CAST: variants seen among roughly 807,000 people sequenced by gnomAD.
The protein encoded by CAST is calpastatin, also known as MIR583 host.
A neutral mutation model predicts 119.6 loss-of-function variants in CAST; 76 were observed. The observed-to-expected ratio is 0.64, with a 90% CI of 0.53 to 0.77. CAST has a LOEUF of 0.77. Among genes scored for constraint, CAST ranks in the 30% least tolerant of loss-of-function variants. CAST has a pLI of 0.00. For synonymous variants in CAST, 319 were observed against 331.6 expected, an observed-to-expected ratio of 0.96 and a Z score of 0.41; for missense variants, 953 against 946.5, an observed-to-expected ratio of 1.01 and a Z score of -0.09.
At chr5:96,703,687 G>A (rs1754346338) in intron 3 of CAST, among the ~76,000 whole-genome samples, 1 of 152,092 alleles carries the variant, frequency 6.6e-6, no homozygotes, top group Non-Finnish European at 1.5e-5. Context: ...GGGACTTTGG[G>A]GCCTCTCTAG....
the CAST span, among the ~76,000 whole-genome samples, chr5:96,452,977 C>G: frequency 1.1e-5 from 1 of 94,470 alleles, no homozygotes; most frequent in Non-Finnish European, 2.2e-5. Flanking sequence ...AAAAAAAAAA[C>G]AGAAGAAAGA....
At chr5:96,312,148 A>G in the CAST span, among the ~76,000 whole-genome samples, 2 of 152,096 alleles carry the variant, frequency 1.3e-5, no homozygotes, top group African/African-American at 4.8e-5. Context: ...AGTTTATTTC[A>G]AGATGATAAC....
chr5:96,458,363 A>C, the CAST span, among the ~76,000 whole-genome samples: 3 of 152,184 alleles, frequency 2.0e-5, no homozygotes, highest in Non-Finnish European at 2.9e-5. Context: ...AATACTTACT[A>C]TCTGGCTCTT....
chr5:96,394,424 T>G, the CAST span, among the ~76,000 whole-genome samples: 1 of 152,194 alleles, frequency 6.6e-6, no homozygotes. Flanking sequence ...GCCTACATGA[T>G]TTGGCCATTT....
At chr5:96,679,939 C>T (rs1042025663) in intron 2 of CAST, among the ~76,000 whole-genome samples, 9 of 151,726 alleles carry the variant, frequency 5.9e-5, no homozygotes, top group South Asian at 2.1e-4. Context: ...TAAATTAACG[C>T]GATAATGTCA....
the CAST span, among the ~76,000 whole-genome samples, chr5:96,185,962 T>C: frequency 6.6e-6 from 1 of 152,192 alleles, no homozygotes; most frequent in African/African-American, 2.4e-5. Context: ...TTTCAACATA[T>C]TGATTCCTCC....
chr5:96,444,843 A>G, the CAST span, among the ~76,000 whole-genome samples: 2 of 152,100 alleles, frequency 1.3e-5, no homozygotes, highest in Non-Finnish European at 1.5e-5. Context: ...TCTCATGGTA[A>G]AGACATTCCT....
the CAST span, among the ~76,000 whole-genome samples, chr5:96,383,516 G>C: frequency 2.6e-5 from 4 of 152,102 alleles, no homozygotes; most frequent in Admixed American, 1.3e-4. Flanking sequence ...GCACAATTTC[G>C]GCTCCCTGCA....
At chr5:96,213,799 A>G in the CAST span, 910 of 151,550 alleles carry the variant, frequency 6.0e-3, 1 homozygote, top group Non-Finnish European at 9.9e-3. Context: ...TCTAAAAGAG[A>G]AAAAAAAATA....
the CAST span, among the ~76,000 whole-genome samples, chr5:96,115,611 A>G: frequency 7.2e-5 from 11 of 152,148 alleles, no homozygotes; most frequent in African/African-American, 2.7e-4. Context: ...GCAGACACTC[A>G]CTCAATAAAG....
the CAST span, among the ~76,000 whole-genome samples, chr5:96,173,739 C>A: frequency 9.0e-6 from 1 of 111,494 alleles, no homozygotes; most frequent in Non-Finnish European, 2.1e-5. Context: ...GATAAATGAA[C>A]TTTTTTTTTT....
the CAST span, among the ~76,000 whole-genome samples, chr5:96,191,946 T>C: frequency 6.6e-6 from 1 of 152,210 alleles, no homozygotes; most frequent in South Asian, 2.1e-4. Context: ...GTGACAAGAA[T>C]GGCTGAATTA....
the CAST span, among the ~76,000 whole-genome samples, chr5:96,144,940 G>A: frequency 3.3e-5 from 5 of 152,206 alleles, no homozygotes; most frequent in South Asian, 2.1e-4. Context: ...AGAGATACGG[G>A]TATGCTCCTC....
chr5:96,597,792 A>C (rs1747078464), intron 1 of CAST, among the ~76,000 whole-genome samples: 1 of 152,106 alleles, frequency 6.6e-6, no homozygotes, highest in Non-Finnish European at 1.5e-5. Context: ...CCTCATTATA[A>C]CCCTGCTAAG....
the CAST span, among the ~76,000 whole-genome samples, chr5:96,412,763 T>TTTG: frequency 6.9e-6 from 1 of 144,506 alleles, no homozygotes; most frequent in African/African-American, 2.8e-5. Context: ...TTTTTTTTTT[T>TTTG]TTTTTTTTTT....
At chr5:96,694,241 A>G (rs1753029605) in intron 2 of CAST, among the ~76,000 whole-genome samples, 2 of 152,248 alleles carry the variant, frequency 1.3e-5, no homozygotes. Flanking sequence ...AATGTGTTAT[A>G]TGCTAGCTAA....
the CAST span, among the ~76,000 whole-genome samples, chr5:96,184,715 A>G: frequency 6.6e-6 from 1 of 152,194 alleles, no homozygotes; most frequent in Non-Finnish European, 1.5e-5. Flanking sequence ...ATAGTATTCC[A>G]TGGTGTATAT....
intron 2 of CAST, 62 bp from the exon 3 acceptor site, chr5:96,695,774 T>C: frequency 9.6e-7 from 1 of 1,039,724 alleles, no homozygotes; most frequent in East Asian, 2.5e-5. Flanking sequence ...TATGTAAGTT[T>C]GCATTTGACT....
At chr5:96,744,718 G>A (rs917160130) in intron 16 of CAST, among the ~76,000 whole-genome samples, 9 of 152,082 alleles carry the variant, frequency 5.9e-5, no homozygotes, top group Non-Finnish European at 1.2e-4. Context: ...AGTCTGATGT[G>A]ATGAGAAGGC....
Sources: gnomAD v4.1 joint callset for allele counts (sites outside exome capture counted in the v4.1 genomes callset) on GRCh38, gnomAD v4.1.1 for gene constraint, MANE v1.5 for transcripts, NCBI Gene and HGNC (gene_info 2026-07-23, HGNC 2026-07-21) for gene names.